Variants in DLGAP3 observed in about 807,000 individuals in gnomAD.
The protein encoded by DLGAP3 is disks large-associated protein 3.
In DLGAP3, 17 loss-of-function variants were observed where a neutral mutation model predicts 81.2. The ratio of observed to expected loss-of-function variants is 0.21; its 90% CI spans 0.14 to 0.31. DLGAP3 has a LOEUF of 0.31. DLGAP3 is among the 10% of genes least tolerant of loss of function. The pLI is 1.00. For missense variants in DLGAP3, 1,124 were observed against 1,388.0 expected (o/e 0.81, Z 3.02); for synonymous variants, 577 against 587.4 (o/e 0.98, Z 0.26).
At chr1:34,883,508 G>A (rs1206851287) in intron 8 of DLGAP3, among the ~76,000 whole-genome samples, 1 of 152,208 alleles carries the variant, frequency 6.6e-6, no homozygotes, top group Non-Finnish European at 1.5e-5. Flanking sequence ...TTGGGGGTGG[G>A]TAGGATTCAG....
intron 1 of DLGAP3, among the ~76,000 whole-genome samples, chr1:34,918,885 C>G (rs1043644858): frequency 2.6e-5 from 4 of 152,168 alleles, no homozygotes; most frequent in African/African-American, 9.6e-5. Flanking sequence ...GTGAAAGGAG[C>G]TAGGGCCGGG....
intron 3 of DLGAP3, among the ~76,000 whole-genome samples, chr1:34,901,707 G>C (rs1304965386): frequency 1.3e-5 from 2 of 152,264 alleles, no homozygotes; most frequent in African/African-American, 4.8e-5. Context: ...GATCATCTGT[G>C]GCCACTGCCA....
chr1:34,899,566 A>G (rs1639423900), intron 5 of DLGAP3, 103 bp downstream of exon 5: 1 of 1,040,030 alleles, frequency 9.6e-7, no homozygotes, highest in Non-Finnish European at 1.5e-6. Context: ...GCCAGGCCTG[A>G]GCTCTCTCCA....
intron 2 of DLGAP3, among the ~76,000 whole-genome samples, chr1:34,906,016 T>TTTTTTTTATATATATA (rs60469155): frequency 1.5e-5 from 1 of 64,814 alleles, no homozygotes; most frequent in Admixed American, 1.5e-4. Context: ...GCCTCTAAAT[T>TTTTTTTTATATATATA]TATATATATA....
chr1:34,906,235 T>C (rs1465214744), intron 2 of DLGAP3, among the ~76,000 whole-genome samples: 2 of 151,178 alleles, frequency 1.3e-5, no homozygotes, highest in Admixed American at 1.3e-4. Context: ...CAGGGAGACA[T>C]AAAATAGTCA....
chr1:34,910,184 C>T (rs1426533327), intron 1 of DLGAP3, among the ~76,000 whole-genome samples: 1 of 152,196 alleles, frequency 6.6e-6, no homozygotes, highest in Non-Finnish European at 1.5e-5. Flanking sequence ...TTAACAGTTG[C>T]TTTACTCCAG....
intron 8 of DLGAP3, among the ~76,000 whole-genome samples, chr1:34,874,846 G>C (rs775683601): frequency 1.3e-5 from 2 of 152,024 alleles, no homozygotes; most frequent in East Asian, 3.9e-4. Context: ...TGGGCAGGGA[G>C]GGGGAAGGAC....
In DLGAP3 at chr1:34,905,136, C is replaced by T. The variant is rs557579403; in HGVS notation, c.248G>A (p.Gly83Glu). The change falls in exon 3 of 12, where the codon GGG becomes GAG. Residue 83 changes from glycine (G) to glutamate (E), a missense_variant. Transcript: ENST00000373347. The part of the protein sequence containing the change: ...PEGGPAGAGV[G>E]GGSSTFPRMY... ...CCTGGGGAAGGTGCTGCTACCCCCCCCAACCCCGGCCCCCGCTGGCCCTCC... is the reference window on the plus strand; with the variant it reads ...CCTGGGGAAGGTGCTGCTACCCCCCTCAACCCCGGCCCCCGCTGGCCCTCC... 2.0e-5 allele frequency: 32 copies of T among 1,570,208 alleles called. No individual in the cohort carries two copies. Among genetic ancestry groups the T allele is most frequent in the Non-Finnish European group, 2.5e-5 (29 of 1,157,268 alleles).
At chr1:34,885,105 G>C in intron 7 of DLGAP3, 42 bp from the exon 8 acceptor site, 4 of 1,566,912 alleles carry the variant, frequency 2.6e-6, no homozygotes, top group Non-Finnish European at 3.5e-6. Context: ...GGCGAGCCAA[G>C]GTGAAAGCCC....
intron 3 of DLGAP3, among the ~76,000 whole-genome samples, chr1:34,901,998 G>A (rs2148410593): frequency 6.6e-6 from 1 of 152,298 alleles, no homozygotes; most frequent in Non-Finnish European, 1.5e-5. Flanking sequence ...AGAAGGATCG[G>A]CCTGGGATGG....
At chr1:34,928,688 A>T (rs1639910201) in intron 1 of DLGAP3, among the ~76,000 whole-genome samples, 1 of 151,958 alleles carries the variant, frequency 6.6e-6, no homozygotes, top group South Asian at 2.1e-4. Context: ...AACCGCGCTC[A>T]GATACACTCT....
chr1:34,893,740 C>T (rs907120480), intron 5 of DLGAP3, among the ~76,000 whole-genome samples: 1 of 152,032 alleles, frequency 6.6e-6, no homozygotes. Flanking sequence ...AGTGCAATCA[C>T]TAAGAAAGTA....
intron 8 of DLGAP3, among the ~76,000 whole-genome samples, chr1:34,877,887 A>G (rs1025510377): frequency 6.6e-6 from 1 of 152,272 alleles, no homozygotes; most frequent in Non-Finnish European, 1.5e-5. Context: ...AAAGGGAGAA[A>G]GCAAAGAAAA....
intron 8 of DLGAP3, 45 bp from the exon 9 acceptor site, chr1:34,869,134 C>G (rs1252962974): frequency 7.1e-7 from 1 of 1,402,084 alleles, no homozygotes; most frequent in Admixed American, 2.0e-5. Context: ...CAGGCTCATG[C>G]CAGCTCTCAC....
chr1:34,909,719 A>C (rs920595914), intron 1 of DLGAP3, among the ~76,000 whole-genome samples: 1 of 152,002 alleles, frequency 6.6e-6, no homozygotes, highest in Non-Finnish European at 1.5e-5. Context: ...TCCTCCCCCC[A>C]CATCACCCAC....
In DLGAP3 at chr1:34,885,558, T is replaced by G; in HGVS notation, c.1834A>C (p.Ile612Leu). ...PRASPKPPTL[I>L]IKTIPGREEL... is the part of the protein sequence containing the mutation. ...TCCCTGCCAGGGATGGTCTTGATGA[T>G]GAGTGTGGGGGGCTTGGGGCTGGCC... is the stretch of plus-strand genomic sequence containing the variant. Residue 612 changes from isoleucine to leucine, a missense_variant, in exon 7 of 12, where the codon ATC becomes CTC. Ile to Leu is a conservative substitution (Grantham distance 5). Transcript: ENST00000373347. 1.2e-6 allele frequency: 2 copies of G among 1,608,048 alleles called. No individual in the cohort carries two copies. The highest frequency in any genetic ancestry group is 1.7e-6 in the Non-Finnish European group (2 of 1,179,664).
In DLGAP3 at chr1:34,877,632, A is replaced by G. The variant is rs6689648; in HGVS notation, c.2000+7346T>C. ...GGTATAATCAAACTACTAGATAAAC[A>G]TAACATGGAAGATGGGAGGAGAAAC... On this transcript the variant is annotated intron_variant, in intron 8 of 11. Coordinates refer to ENST00000373347, the MANE Select transcript of DLGAP3 (RefSeq NM_001080418.3). 1.8e-3 allele frequency among the ~76,000 whole-genome samples: 276 copies of G among 152,386 alleles called. 2 individuals are homozygous for G. Among genetic ancestry groups the G allele is most frequent in the African/African-American group, 6.1e-3 (255 of 41,594 alleles).
At chr1:34,869,774 C>G (rs1638952509) in intron 8 of DLGAP3, among the ~76,000 whole-genome samples, 1 of 152,204 alleles carries the variant, frequency 6.6e-6, no homozygotes, top group African/African-American at 2.4e-5. Flanking sequence ...CCACGCCTGG[C>G]CGAAGTATTT....
intron 11 of DLGAP3, 69 bp from the exon 12 acceptor site, chr1:34,866,370 A>AC (rs1229796217): frequency 6.9e-6 from 9 of 1,311,546 alleles, no homozygotes; most frequent in Non-Finnish European, 9.2e-6. Context: ...CCGCCCCCGC[A>AC]CCCCCGCGCC....
Sources: gnomAD v4.1 joint callset for allele counts (sites outside exome capture counted in the v4.1 genomes callset) on GRCh38, gnomAD v4.1.1 for gene constraint, MANE v1.5 for transcripts, NCBI Gene and HGNC (gene_info 2026-07-23, HGNC 2026-07-21) for gene names.